Variants in LDLRAD3 observed in about 807,000 individuals in gnomAD.
LDLRAD3 encodes low density lipoprotein receptor class A domain containing 3.
LDLRAD3 carries 20 observed loss-of-function variants against 29.4 expected under a neutral mutation model. The observed-to-expected ratio is 0.68, with a 90% CI of 0.48 to 0.99. LDLRAD3 has a LOEUF of 0.99. LDLRAD3 is among the 50% of genes least tolerant of loss of function. The probability of loss-of-function intolerance (pLI) is 0.00; values close to 1 mark genes in which losing one functional copy is unlikely to be tolerated. For synonymous variants in LDLRAD3, 157 were observed against 192.7 expected (o/e 0.81, Z 1.53); for missense variants, 420 against 454.3 (o/e 0.92, Z 0.69).
chr11:36,164,035 G>A (rs1590322691), intron 4 of LDLRAD3, among the ~76,000 whole-genome samples: 1 of 152,264 alleles, frequency 6.6e-6, no homozygotes, highest in East Asian at 1.9e-4. Flanking sequence ...AGAGGAAATC[G>A]GTGACAGAAC....
At chr11:36,123,825 G>A (rs1853796199) in intron 4 of LDLRAD3, among the ~76,000 whole-genome samples, 1 of 152,208 alleles carries the variant, frequency 6.6e-6, no homozygotes, top group African/African-American at 2.4e-5. Context: ...CTAAAGTCCG[G>A]CTGTGGCTGT....
chr11:35,954,396 A>T (rs532737667), intron 1 of LDLRAD3, among the ~76,000 whole-genome samples: 6 of 152,318 alleles, frequency 3.9e-5, no homozygotes, highest in Admixed American at 6.5e-5. Context: ...CTAAAGCTCC[A>T]TGAGGTGGGA....
At chr11:36,044,538 C>T (rs994116083) in intron 2 of LDLRAD3, among the ~76,000 whole-genome samples, 2 of 152,222 alleles carry the variant, frequency 1.3e-5, no homozygotes, top group African/African-American at 2.4e-5. Context: ...CCCCTTCCCA[C>T]GCCCGGTCTT....
chr11:36,121,329 A>G (rs1258174613), intron 4 of LDLRAD3, among the ~76,000 whole-genome samples: 2 of 152,056 alleles, frequency 1.3e-5, no homozygotes, highest in Admixed American at 1.3e-4. Context: ...TTCACATGGT[A>G]GGAAAAGGGG....
chr11:35,973,077 A>C (rs1851435033), intron 1 of LDLRAD3, among the ~76,000 whole-genome samples: 1 of 146,146 alleles, frequency 6.8e-6, no homozygotes, highest in Admixed American at 6.8e-5. Context: ...AAAAAAAGGG[A>C]GCACATAATG....
intron 4 of LDLRAD3, among the ~76,000 whole-genome samples, chr11:36,114,004 G>T (rs1424020642): frequency 6.6e-6 from 1 of 152,186 alleles, no homozygotes; most frequent in East Asian, 1.9e-4. Flanking sequence ...GATCAAAATA[G>T]TCAGGACTTT....
At chr11:36,146,844 C>T (rs976066439) in intron 4 of LDLRAD3, among the ~76,000 whole-genome samples, 31 of 131,338 alleles carry the variant, frequency 2.4e-4, no homozygotes, top group African/African-American at 9.1e-4. Flanking sequence ...GGCTGGAGTA[C>T]AGTGGCGTGG....
chr11:36,206,464 A>G (rs919733731), intron 4 of LDLRAD3, among the ~76,000 whole-genome samples: 6 of 152,156 alleles, frequency 3.9e-5, no homozygotes, highest in Non-Finnish European at 5.9e-5. Flanking sequence ...GTGCCATGAC[A>G]TGGGTCAGGT....
intron 4 of LDLRAD3, among the ~76,000 whole-genome samples, chr11:36,125,410 A>G (rs569481760): frequency 6.6e-6 from 1 of 152,322 alleles, no homozygotes; most frequent in South Asian, 2.1e-4. Context: ...GTTGTGTAGA[A>G]TGAATTAAGA....
intron 4 of LDLRAD3, among the ~76,000 whole-genome samples, chr11:36,126,817 A>T (rs561124909): frequency 1.3e-5 from 2 of 152,350 alleles, no homozygotes; most frequent in South Asian, 4.1e-4. Context: ...ATCTGCAGAG[A>T]ACCTATGTTG....
chr11:36,158,771 C>T (rs2133335448), intron 4 of LDLRAD3, among the ~76,000 whole-genome samples: 1 of 152,152 alleles, frequency 6.6e-6, no homozygotes, highest in South Asian at 2.1e-4. Context: ...ATGATAGCCT[C>T]TTCTTACTAC....
chr11:36,200,317 G>A (rs906334159), intron 4 of LDLRAD3, among the ~76,000 whole-genome samples: 3 of 152,034 alleles, frequency 2.0e-5, no homozygotes, highest in Non-Finnish European at 2.9e-5. Context: ...AGCTTTTCAT[G>A]GCGTCCTCCT....
intron 4 of LDLRAD3, among the ~76,000 whole-genome samples, chr11:36,155,232 A>G (rs559713810): frequency 2.0e-5 from 3 of 152,330 alleles, no homozygotes; most frequent in Admixed American, 2.0e-4. Flanking sequence ...CACGCTGTCA[A>G]GTATTTTCTT....
chr11:36,008,595 T>C (rs563115440), intron 1 of LDLRAD3, among the ~76,000 whole-genome samples: 23 of 152,328 alleles, frequency 1.5e-4, no homozygotes, highest in South Asian at 6.2e-4. Context: ...AATGAATATA[T>C]ATATTTTTTA....
intron 1 of LDLRAD3, among the ~76,000 whole-genome samples, chr11:35,945,931 A>C (rs561148271): frequency 1.8e-4 from 27 of 152,286 alleles, no homozygotes; most frequent in African/African-American, 6.5e-4. Flanking sequence ...GAGCAGACGG[A>C]TAGGGGGAGG....
chr11:36,224,188 G>A (rs1855467934), intron 4 of LDLRAD3, among the ~76,000 whole-genome samples: 1 of 151,546 alleles, frequency 6.6e-6, no homozygotes, highest in African/African-American at 2.4e-5. Flanking sequence ...ACTGTGCTCA[G>A]CACTTGTGTA....
At chr11:36,222,571 C>A (rs532246615) in intron 4 of LDLRAD3, among the ~76,000 whole-genome samples, 5 of 151,948 alleles carry the variant, frequency 3.3e-5, no homozygotes, top group African/African-American at 1.2e-4. Context: ...ATCTGATAGG[C>A]GAAAAATGGT....
chr11:35,992,437 C>A lies in LDLRAD3; in HGVS notation c.47-43666C>A, dbSNP rs139090810. Reference sequence around the variant, plus strand: ...ATTCATAATAGCCTGAAAGTGGCAACAACCCACATGTTCCCCAGTGGATGA... The same window carrying A: ...ATTCATAATAGCCTGAAAGTGGCAAAAACCCACATGTTCCCCAGTGGATGA... On this transcript the variant is annotated intron_variant, in intron 1 of 5. Coordinates refer to ENST00000315571, the MANE Select transcript of LDLRAD3 (RefSeq NM_174902.4). Among the ~76,000 whole-genome samples, 39 of 152,306 alleles carry A rather than the reference C, an allele frequency of 2.6e-4. No homozygotes were observed. In the South Asian group the frequency reaches 5.4e-3, roughly 21 times the overall value.
At chr11:35,965,170 T>C (rs1172624363) in intron 1 of LDLRAD3, among the ~76,000 whole-genome samples, 1 of 152,180 alleles carries the variant, frequency 6.6e-6, no homozygotes, top group East Asian at 1.9e-4. Flanking sequence ...CGCTTTTATT[T>C]GATCAGATGA....
Sources: gnomAD v4.1 joint callset for allele counts (sites outside exome capture counted in the v4.1 genomes callset) on GRCh38, gnomAD v4.1.1 for gene constraint, MANE v1.5 for transcripts, NCBI Gene and HGNC (gene_info 2026-07-23, HGNC 2026-07-21) for gene names.